IVNS1ABP: variants seen among roughly 807,000 people sequenced by gnomAD.
IVNS1ABP encodes the protein influenza virus NS1A binding protein.
In IVNS1ABP, 25 loss-of-function variants were observed where a neutral mutation model predicts 78.9. The observed-to-expected ratio is 0.32, with a 90% CI of 0.23 to 0.44. The LOEUF is 0.44. Ranked by LOEUF, IVNS1ABP falls within the 20% of genes least tolerant of loss-of-function variation. The pLI is 1.00. For synonymous variants in IVNS1ABP, 241 were observed against 259.7 expected, an observed-to-expected ratio of 0.93 and a Z score of 0.69; for missense variants, 494 against 768.9, an observed-to-expected ratio of 0.64 and a Z score of 4.23.
At position 185,301,284 on chromosome 1, in the gene IVNS1ABP, C is replaced by T. The variant is rs973321428; in HGVS notation, c.896-88G>A. 5.8e-6 allele frequency: 8 copies of T among 1,386,538 alleles called. No homozygotes were observed. In the Admixed American group the frequency reaches 1.3e-4, roughly 22 times the overall value. 85.9% of individuals were successfully genotyped at this position (1,386,538 alleles called of 1,614,324 possible). A position where few individuals can be genotyped will look rare whatever the true frequency, so the allele number is the denominator to read the frequency against. On this transcript the variant is annotated intron_variant, in intron 9 of 14. Coordinates refer to ENST00000367498, the MANE Select transcript of IVNS1ABP (RefSeq NM_006469.5). ...CTGAATTGGACTCCAGTCTCCACAT[C>T]CCAGACTGGAACAATCTGCTCTCGT... is the stretch of plus-strand genomic sequence containing the variant.
At chr1:185,307,881 A>G (rs752023002) in intron 5 of IVNS1ABP, 1 of 1,474,184 alleles carries the variant, frequency 6.8e-7, no homozygotes, top group Non-Finnish European at 9.1e-7. Flanking sequence ...GGTACAACAA[A>G]TTGAAATGCT....
chr1:185,302,992 C>T (rs1054351934), intron 8 of IVNS1ABP, among the ~76,000 whole-genome samples: 2 of 151,988 alleles, frequency 1.3e-5, no homozygotes, highest in African/African-American at 2.4e-5. Flanking sequence ...GTGAATGCAT[C>T]TTTCATATCA....
In IVNS1ABP at chr1:185,300,422, AC is replaced by A; in HGVS notation, c.1242+14del. On this transcript the variant is annotated intron_variant, in intron 11 of 14. Coordinates refer to ENST00000367498, the MANE Select transcript of IVNS1ABP (RefSeq NM_006469.5). Reference sequence around the variant, plus strand: ...AAGCTAAATAGGGGTTGCTCCTGCAACATAATGCGCTTACCATGAGTACAGC... The same window carrying A: ...AAGCTAAATAGGGGTTGCTCCTGCAAATAATGCGCTTACCATGAGTACAGC... The A allele has an allele frequency of 1.2e-6, 2 of 1,613,596 alleles. No individual in the cohort carries two copies. The highest frequency in any genetic ancestry group is 1.7e-6 in the Non-Finnish European group (2 of 1,179,720).
Position 185,315,524 on chromosome 1 carries a change from G to T in IVNS1ABP, c.-247+1429C>A, listed in dbSNP as rs559477435. ...CTCTTTGGTCAGTGGCTCAAGTTCCGTTTACCTCTGGCTACCAAATTATAA... is the reference window on the plus strand; with the variant it reads ...CTCTTTGGTCAGTGGCTCAAGTTCCTTTTACCTCTGGCTACCAAATTATAA... On this transcript the variant is annotated intron_variant, in intron 1 of 14. Transcript: ENST00000367498. Among the ~76,000 whole-genome samples, 6 of 152,262 alleles carry T rather than the reference G, an allele frequency of 3.9e-5. No individual in the cohort carries two copies. The South Asian group carries it at 1.0e-3, about 26-fold the overall frequency.
intron 2 of IVNS1ABP, among the ~76,000 whole-genome samples, chr1:185,309,983 A>G (rs1456174569): frequency 2.0e-5 from 3 of 152,186 alleles, no homozygotes; most frequent in Non-Finnish European, 4.4e-5. Context: ...GTTGTCTTAA[A>G]GGGCCCCCAA....
rs1463712682 is a variant in IVNS1ABP, at chr1:185,297,405, T to TAC, written c.*628_*629dup. ...ACTCAGAGTTTAAAAGACAGACCCC[T>TAC]ACTCTGCAAACTGAAGACTGCCACT... is the stretch of plus-strand genomic sequence containing the variant. On this transcript the variant is annotated 3_prime_UTR_variant, in exon 15 of 15. Coordinates refer to ENST00000367498, the MANE Select transcript of IVNS1ABP (RefSeq NM_006469.5). 6.6e-6 allele frequency: 1 copy of TAC among 152,228 alleles called. No individual in the cohort carries two copies. Among genetic ancestry groups the TAC allele is most frequent in the African/African-American group, 2.4e-5 (1 of 41,414 alleles). The allele number at this position is 152,228 out of a possible 1,614,324, so 9.4% of individuals were successfully genotyped here.
intron 5 of IVNS1ABP, among the ~76,000 whole-genome samples, chr1:185,308,474 G>A (rs892444400): frequency 6.6e-6 from 1 of 152,138 alleles, no homozygotes; most frequent in African/African-American, 2.4e-5. Context: ...GGAAGTTTAG[G>A]AGAACACAGA....
chr1:185,308,058 A>C, intron 5 of IVNS1ABP: 1 of 1,545,854 alleles, frequency 6.5e-7, no homozygotes, highest in Non-Finnish European at 8.7e-7. Flanking sequence ...GATAACTAGG[A>C]AATAGTTTTG....
rs772246995 is a variant in IVNS1ABP at position 185,301,069 on chromosome 1, C to A, written c.1023G>T (p.Met341Ile). 3.0e-5 allele frequency: 48 copies of A among 1,613,502 alleles called. 2 individuals carry two copies. The South Asian group carries it at 5.2e-4, about 17-fold the overall frequency. Residue 341 changes from methionine (M) to isoleucine (I), a missense_variant, in exon 10 of 15, where the codon ATG becomes ATT. Met to Ile is a conservative substitution (Grantham distance 10). Transcript: ENST00000367498. ...GCTTTTCGATTAGCTCATCTTGTTG[C>A]ATCTCAAAGCTTAAACTCTTACTTA... ...PKLSKSLSFE[M>I]QQDELIEKPM...
In IVNS1ABP at chr1:185,305,203, T is replaced by A. The variant is rs968689170; in HGVS notation, c.765+333A>T. Reference sequence around the variant, plus strand: ...CAATTTAAGTCCCCCTGCCCCTTTTTAAAAAAAACTATCAGTCATGCCTGA... The same window carrying A: ...CAATTTAAGTCCCCCTGCCCCTTTTAAAAAAAAACTATCAGTCATGCCTGA... On this transcript the variant is annotated intron_variant, in intron 8 of 14. Transcript: ENST00000367498. This position sits in a 1 kb window ranked among gnomAD's most constrained non-coding sequence, Gnocchi z 4.0. Among the ~76,000 whole-genome samples the A allele has an allele frequency of 1.7e-4, 26 of 151,966 alleles. No homozygotes were observed. Among genetic ancestry groups the A allele is most frequent in the Non-Finnish European group, 3.5e-4 (24 of 67,978 alleles).
In IVNS1ABP at chr1:185,305,476, G is replaced by A; in HGVS notation, c.765+60C>T. ...CTTTATTAAAGGAAAATTTAAGTAT[G>A]CTATCAAATTCTCTAGTCAAATTTT... is the stretch of plus-strand genomic sequence containing the variant. On this transcript the variant is annotated intron_variant, in intron 8 of 14. Coordinates refer to ENST00000367498, the MANE Select transcript of IVNS1ABP (RefSeq NM_006469.5). This position sits in a 1 kb window ranked among gnomAD's most constrained non-coding sequence, Gnocchi z 4.0. 6.3e-7 allele frequency: 1 copy of A among 1,580,390 alleles called. No homozygotes were observed.
chr1:185,308,788 CT>C lies in IVNS1ABP; in HGVS notation c.357+11del. 1 of 1,584,508 alleles carries C rather than the reference CT, an allele frequency of 6.3e-7. No individual in the cohort carries two copies. The highest frequency in any genetic ancestry group is 1.4e-5 in the African/African-American group (1 of 74,054). The stretch of plus-strand genomic sequence containing the variant: ...ACTCCATAAATGATTTTATTTACTT[CT>C]GATACTCTACCTGCTTTACTCGATC... On this transcript the variant is annotated intron_variant, in intron 5 of 14. Transcript: ENST00000367498.
At chr1:185,311,543 T>C (rs1035821788) in intron 1 of IVNS1ABP, among the ~76,000 whole-genome samples, 8 of 147,032 alleles carry the variant, frequency 5.4e-5, no homozygotes, top group African/African-American at 1.5e-4. Context: ...AAAAAAAAAG[T>C]CCTTTCCCAA....
intron 1 of IVNS1ABP, among the ~76,000 whole-genome samples, chr1:185,314,943 T>C (rs1038424580): frequency 6.6e-6 from 1 of 152,178 alleles, no homozygotes; most frequent in Non-Finnish European, 1.5e-5. Flanking sequence ...TATAATAGTA[T>C]GATGTTAAGT....
In IVNS1ABP at chr1:185,305,552, TG is replaced by T; in HGVS notation, c.748del (p.His250ThrfsTer18). 1 of 1,613,234 alleles carries T rather than the reference TG, an allele frequency of 6.2e-7. No individual in the cohort carries two copies. On this transcript the variant is annotated frameshift_variant, in exon 8 of 15. Transcript: ENST00000367498. LOFTEE classifies it high-confidence loss of function. This position sits in a 1 kb window ranked among gnomAD's most constrained non-coding sequence, Gnocchi z 4.0. ...AATGTGTACCTGCACAAACTGAATG[TG>T]GTCATCATCACTGCCAAACACCTCA... is the stretch of plus-strand genomic sequence containing the variant. ...QAEVFGSDDDHIQFVQKKPPR... is the reference protein window; with the variant it reads ...QAEVFGSDDDXIQFVQKKPPR...
rs1665476490 is a variant in IVNS1ABP, at chr1:185,298,297, G to C, written c.1676-9C>G. The stretch of plus-strand genomic sequence containing the variant: ...ACATACAAACAGTTTTCCTAAAAGA[G>C]AAATGAGATGGGGTAAATCCAGAGA... On this transcript the variant is annotated splice_polypyrimidine_tract_variant and intron_variant, in intron 14 of 14. Transcript: ENST00000367498. This position sits in a 1 kb window ranked among gnomAD's most constrained non-coding sequence, Gnocchi z 4.1. 1 of 1,610,946 alleles carries C rather than the reference G, an allele frequency of 6.2e-7. No homozygotes were observed. Among genetic ancestry groups the C allele is most frequent in the African/African-American group, 1.3e-5 (1 of 74,904 alleles).
At position 185,306,422 on chromosome 1, in the gene IVNS1ABP, A is replaced by G. The variant is rs947829151; in HGVS notation, c.657+592T>C. 5.6e-6 allele frequency: 7 copies of G among 1,250,144 alleles called. No homozygotes were observed. In the African/African-American group the frequency reaches 9.4e-5, roughly 17 times the overall value. 77.4% of individuals were successfully genotyped at this position (1,250,144 alleles called of 1,614,324 possible). On this transcript the variant is annotated intron_variant, in intron 7 of 14. Coordinates refer to ENST00000367498, the MANE Select transcript of IVNS1ABP (RefSeq NM_006469.5). ...CCAAGTTAAGTGAGTGACTATATGT[A>G]TGAACAACACCATTGAAAAACACAC...
Position 185,300,424 on chromosome 1 carries a change from A to C in IVNS1ABP, c.1242+13T>G, listed in dbSNP as rs769898706. The C allele has an allele frequency of 6.2e-7, 1 of 1,613,634 alleles. No homozygotes were observed. The highest frequency in any genetic ancestry group is 1.1e-5 in the South Asian group (1 of 91,072). On this transcript the variant is annotated intron_variant, in intron 11 of 14. Coordinates refer to ENST00000367498, the MANE Select transcript of IVNS1ABP (RefSeq NM_006469.5). Reference sequence around the variant, plus strand: ...GCTAAATAGGGGTTGCTCCTGCAACATAATGCGCTTACCATGAGTACAGCC... The same window carrying C: ...GCTAAATAGGGGTTGCTCCTGCAACCTAATGCGCTTACCATGAGTACAGCC...
Position 185,305,319 on chromosome 1 carries a change from GA to G in IVNS1ABP, c.765+216del, listed in dbSNP as rs1205611826. Among the ~76,000 whole-genome samples the G allele has an allele frequency of 6.6e-6, 1 of 151,962 alleles. No individual in the cohort carries two copies. Among genetic ancestry groups the G allele is most frequent in the Non-Finnish European group, 1.5e-5 (1 of 67,982 alleles). ...ACTGTTTGTAATTCCTGCTTTATGAGAAAAAAATTTCAATAGGGTTTCCTAA... is the reference window on the plus strand; with the variant it reads ...ACTGTTTGTAATTCCTGCTTTATGAGAAAAAATTTCAATAGGGTTTCCTAA... On this transcript the variant is annotated intron_variant, in intron 8 of 14. Transcript: ENST00000367498. This position sits in a 1 kb window ranked among gnomAD's most constrained non-coding sequence, Gnocchi z 4.0.
Sources: allele counts gnomAD v4.1 joint callset (sites outside exome capture counted in the v4.1 genomes callset), GRCh38; gene constraint gnomAD v4.1.1; non-coding constraint Gnocchi (gnomAD v3.1); transcripts MANE v1.5; gene names NCBI Gene and HGNC (gene_info 2026-07-23, HGNC 2026-07-21).